The following FGF14 variants were observed in gnomAD, a reference collection of about 807,000 sequenced individuals.
FGF14 encodes fibroblast growth factor 14.
Under a neutral mutation model 25.5 loss-of-function variants are expected in FGF14, and 5 were observed. The observed-to-expected ratio is 0.20, with a 90% CI of 0.10 to 0.41. FGF14 has a LOEUF of 0.41. Among genes scored for constraint, FGF14 ranks in the 10% least tolerant of loss-of-function variants. The pLI is 1.00. For synonymous variants in FGF14, 138 were observed against 118.3 expected (o/e 1.17, Z -1.08); for missense variants, 222 against 320.1 (o/e 0.69, Z 2.34).
intron 1 of FGF14, among the ~76,000 whole-genome samples, chr13:102,154,248 G>A (rs2047216790): frequency 6.6e-6 from 1 of 152,120 alleles, no homozygotes; most frequent in South Asian, 2.1e-4. Flanking sequence ...AGGAAAAAAT[G>A]TTAAAAGCAG....
At chr13:101,765,759 C>T (rs1594170710) in intron 3 of FGF14, among the ~76,000 whole-genome samples, 2 of 150,242 alleles carry the variant, frequency 1.3e-5, no homozygotes, top group African/African-American at 2.5e-5. Flanking sequence ...GACGGAGTCT[C>T]GCTTTTGTCG....
rs2033530851 is a variant in FGF14, at chr13:101,916,637, C to G, written c.9G>C (p.Ala3=). The G allele has an allele frequency of 1.9e-6, 3 of 1,567,800 alleles. No individual in the cohort carries two copies. Among genetic ancestry groups the G allele is most frequent in the Non-Finnish European group, 2.6e-6 (3 of 1,153,774 alleles). The change falls in exon 1 of 5, where the codon GCG becomes GCC. Residue 3 remains alanine (A), a synonymous_variant. Coordinates refer to ENST00000376143, the MANE Select transcript of FGF14 (RefSeq NM_004115.4). ...GGCGGATCAAGCCGCTAGCGATGGC[C>G]GCGGCCATGGTGGCCCCGGGAACGG... MA[A]AIASGLIRQK...
chr13:101,806,084 C>T (rs1183925909), intron 3 of FGF14, among the ~76,000 whole-genome samples: 1 of 151,554 alleles, frequency 6.6e-6, no homozygotes, highest in Non-Finnish European at 1.5e-5. Context: ...ATATAAAATT[C>T]ATGTGTCACA....
intron 1 of FGF14, among the ~76,000 whole-genome samples, chr13:102,181,290 C>A (rs1360473303): frequency 6.6e-6 from 1 of 152,084 alleles, no homozygotes; most frequent in Non-Finnish European, 1.5e-5. Context: ...GATTATGTTA[C>A]CTGACATGGT....
intron 1 of FGF14, among the ~76,000 whole-genome samples, chr13:102,127,871 C>T (rs1243507637): frequency 6.6e-6 from 1 of 152,216 alleles, no homozygotes; most frequent in Non-Finnish European, 1.5e-5. Context: ...TATGGAGTCT[C>T]AGCTGGCAGC....
At chr13:102,147,056 T>C (rs2046884836) in intron 1 of FGF14, among the ~76,000 whole-genome samples, 1 of 152,222 alleles carries the variant, frequency 6.6e-6, no homozygotes, top group African/African-American at 2.4e-5. Flanking sequence ...CATCCACTAG[T>C]AGCCCCACAG....
intron 1 of FGF14, among the ~76,000 whole-genome samples, chr13:102,142,150 G>T (rs551637431): frequency 1.3e-5 from 2 of 152,100 alleles, no homozygotes; most frequent in South Asian, 2.1e-4. Flanking sequence ...ATTAGCAAAA[G>T]TATTCATATT....
At chr13:102,323,375 T>A (rs9518701) in intron 1 of FGF14, among the ~76,000 whole-genome samples, 2,197 of 152,332 alleles carry the variant, frequency 0.014, 15 homozygotes, top group Admixed American at 0.022. Flanking sequence ...TCTTTTTATT[T>A]CATTTCCTGT....
intron 1 of FGF14, among the ~76,000 whole-genome samples, chr13:102,353,881 T>C (rs1371440645): frequency 6.6e-6 from 1 of 152,198 alleles, no homozygotes; most frequent in East Asian, 1.9e-4. Flanking sequence ...ATGGGAAGCC[T>C]ACTTTGACTT....
upstream of FGF14, among the ~76,000 whole-genome samples, chr13:101,917,400 T>C (rs1451274609): frequency 1.3e-5 from 2 of 151,546 alleles, no homozygotes; most frequent in Admixed American, 1.3e-4. Flanking sequence ...AAAGCTAAGA[T>C]GGATTGCAGG....
chr13:102,161,672 A>G lies in FGF14; in HGVS notation c.208+239799T>C, dbSNP rs559821189. ...AAGAAGAAGAAGAAGAAGAAGAAGAAGAAGAAGAAGAAGAAGAAGAAGAAG... is the reference window on the plus strand; with the variant it reads ...AAGAAGAAGAAGAAGAAGAAGAAGAGGAAGAAGAAGAAGAAGAAGAAGAAG... On this transcript the variant is annotated intron_variant, in intron 1 of 4. Transcript: ENST00000376131. 1.2e-3 allele frequency among the ~76,000 whole-genome samples: 51 copies of G among 41,486 alleles called. 1 individual carries two copies. Among genetic ancestry groups the G allele is most frequent in the East Asian group, 2.7e-3 (5 of 1,822 alleles). 27.2% of individuals were successfully genotyped at this position (41,486 alleles called of 152,430 possible). A position where few individuals can be genotyped will look rare whatever the true frequency, so the allele number is the denominator to read the frequency against.
At chr13:102,377,401 A>C (rs893027830) in intron 1 of FGF14, among the ~76,000 whole-genome samples, 2 of 152,248 alleles carry the variant, frequency 1.3e-5, no homozygotes, top group African/African-American at 4.8e-5. Context: ...GTAAAAATGA[A>C]GTGAAATACA....
chr13:102,151,020 T>C (rs998680121), intron 1 of FGF14, among the ~76,000 whole-genome samples: 5 of 152,214 alleles, frequency 3.3e-5, no homozygotes, highest in Non-Finnish European at 5.9e-5. Context: ...TTATGAAGAT[T>C]ACGCTTTTTT....
rs1020631188 is a variant in FGF14, at chr13:101,883,664, C to T, written c.194-8368G>A. ...ATAGCTATCATTTCCTGAGCATACA[C>T]TTTGGGCCAGAAACGACTCTAAGTG... On this transcript the variant is annotated intron_variant, in intron 1 of 4. Transcript: ENST00000376143. 9.3e-5 allele frequency among the ~76,000 whole-genome samples: 14 copies of T among 150,598 alleles called. No homozygotes were observed. In the South Asian group the frequency reaches 1.1e-3, roughly 12 times the overall value.
chr13:101,842,102 T>A (rs756108049), intron 3 of FGF14, among the ~76,000 whole-genome samples: 8 of 152,030 alleles, frequency 5.3e-5, no homozygotes, highest in Admixed American at 1.3e-4. Context: ...GTTTTAGGCT[T>A]ATAGCTAATC....
In FGF14 at chr13:102,183,464, T is replaced by C. The variant is rs193033701; in HGVS notation, c.208+218007A>G. 2.0e-5 allele frequency among the ~76,000 whole-genome samples: 3 copies of C among 152,260 alleles called. No homozygotes were observed. In the East Asian group the frequency reaches 5.8e-4, roughly 29 times the overall value. On this transcript the variant is annotated intron_variant, in intron 1 of 4. Coordinates refer to the FGF14 transcript ENST00000376131. ...AGATCGTCCCTGCCATATAGACTAG[T>C]TAACCCTACTTTTACATGAGAGAAA... is the stretch of plus-strand genomic sequence containing the variant.
At chr13:102,329,558 A>C (rs1353692339) in intron 1 of FGF14, among the ~76,000 whole-genome samples, 2 of 152,028 alleles carry the variant, frequency 1.3e-5, no homozygotes, top group African/African-American at 4.8e-5. Context: ...GTTCATCATC[A>C]ATCTACCCAA....
In FGF14 at chr13:101,718,106, A is replaced by C. The variant is rs1594014183; in HGVS notation, c.*4725T>G. 6.6e-6 allele frequency: 1 copy of C among 152,278 alleles called. No homozygotes were observed. 9.4% of individuals were successfully genotyped at this position (152,278 alleles called of 1,614,324 possible). On this transcript the variant is annotated 3_prime_UTR_variant, in exon 5 of 5. Coordinates refer to ENST00000376143, the MANE Select transcript of FGF14 (RefSeq NM_004115.4). ...GCTCTGTTCTAGTGTTCATTTAGTT[A>C]GAAACCATAGTACCGGAACTGTATT...
chr13:101,831,415 A>G (rs1039586529), intron 3 of FGF14, among the ~76,000 whole-genome samples: 2 of 152,012 alleles, frequency 1.3e-5, no homozygotes, highest in African/African-American at 4.8e-5. Context: ...TCAGAGAGTT[A>G]TAGGATATTC....
Sources: gnomAD v4.1 joint callset for allele counts (sites outside exome capture counted in the v4.1 genomes callset) on GRCh38, gnomAD v4.1.1 for gene constraint, MANE v1.5 for transcripts, NCBI Gene and HGNC (gene_info 2026-07-23, HGNC 2026-07-21) for gene names.